The following APC variants were observed in gnomAD, a reference collection of about 807,000 sequenced individuals.
APC encodes adenomatous polyposis coli protein.
A neutral mutation model predicts 247.0 loss-of-function variants in APC; 72 were observed. That is an observed-to-expected ratio of 0.29 (90% CI 0.24 to 0.35). The LOEUF (loss-of-function observed/expected upper bound fraction) is 0.35, where lower values mean the gene tolerates loss of function less well. Ranked by LOEUF, APC falls within the 10% of genes least tolerant of loss-of-function variation. The probability of loss-of-function intolerance (pLI) is 1.00; values close to 1 mark genes in which losing one functional copy is unlikely to be tolerated. For missense variants in APC, 3,400 were observed against 3,360.7 expected (o/e 1.01, Z -0.29); for synonymous variants, 1,254 against 1,162.5 (o/e 1.08, Z -1.60).
chr5:112,772,500 C>G (rs1757166751), intron 4 of APC, among the ~76,000 whole-genome samples: 1 of 151,268 alleles, frequency 6.6e-6, no homozygotes, highest in Admixed American at 6.6e-5. Flanking sequence ...AATTTAAGCA[C>G]TTTTAATGCC....
intron 1 of APC, among the ~76,000 whole-genome samples, chr5:112,741,204 T>C (rs553435534): frequency 6.6e-6 from 1 of 152,286 alleles, no homozygotes; most frequent in Non-Finnish European, 1.5e-5. Flanking sequence ...TTATGTGAAA[T>C]TTCATTACAA....
intron 2 of APC, 27 bp from the exon 3 acceptor site, chr5:112,766,299 G>C (rs1209350011): frequency 6.9e-7 from 1 of 1,440,204 alleles, no homozygotes; most frequent in Non-Finnish European, 9.8e-7. Context: ...AGAATTTCAT[G>C]TTAATATATT....
At chr5:112,761,591 T>G (rs1755678223) in intron 2 of APC, among the ~76,000 whole-genome samples, 1 of 151,910 alleles carries the variant, frequency 6.6e-6, no homozygotes, top group African/African-American at 2.4e-5. Context: ...ATATTCAAAC[T>G]GAAGCACAGA....
intron 2 of APC, among the ~76,000 whole-genome samples, chr5:112,760,630 C>T (rs989245749): frequency 5.9e-5 from 9 of 152,170 alleles, no homozygotes; most frequent in African/African-American, 2.2e-4. Context: ...GTATATCAAA[C>T]ATGACTGGTT....
At chr5:112,725,975 C>T (rs931388216) in intron 1 of APC, among the ~76,000 whole-genome samples, 6 of 152,208 alleles carry the variant, frequency 3.9e-5, no homozygotes, top group Non-Finnish European at 5.9e-5. Context: ...AGTTCCCTGA[C>T]CCCTGTTGCA....
chr5:112,812,804 A>C (rs1471437640), intron 8 of APC, among the ~76,000 whole-genome samples: 2 of 152,230 alleles, frequency 1.3e-5, no homozygotes, highest in African/African-American at 4.8e-5. Context: ...TACTACCTGG[A>C]AAGTAGCAGG....
chr5:112,719,006 T>C (rs1751335882), intron 1 of APC, among the ~76,000 whole-genome samples: 1 of 152,190 alleles, frequency 6.6e-6, no homozygotes, highest in African/African-American at 2.4e-5. Flanking sequence ...AGAGGATATT[T>C]TGTATGACCG....
rs114355315 is a variant in APC, at chr5:112,739,018, T to C, written c.-19+1093T>C. ...ACGTAAATTACTTTGTCAAAAATTA[T>C]GGTGAACAAATTTTTGTAGGCCTAA... is the stretch of plus-strand genomic sequence containing the variant. On this transcript the variant is annotated intron_variant, in intron 1 of 15. Transcript: ENST00000257430. Among the ~76,000 whole-genome samples the C allele has an allele frequency of 6.1e-3, 932 of 152,362 alleles. 7 individuals are homozygous for C. Among genetic ancestry groups the C allele is most frequent in the Middle Eastern group, 0.01 (3 of 294 alleles).
chr5:112,840,349 A>G lies in APC; in HGVS notation c.4755A>G (p.Thr1585=), dbSNP rs2149922960. 1 of 1,614,228 alleles carries G rather than the reference A, an allele frequency of 6.2e-7. No homozygotes were observed. The highest frequency in any genetic ancestry group is 1.1e-5 in the South Asian group (1 of 91,084). The change falls in exon 16 of 16, where the codon ACA becomes ACG. Residue 1585 remains threonine (T), a synonymous_variant. Transcript: ENST00000257430. The surrounding 1 kb of genome is among the most constrained non-coding windows in gnomAD (Gnocchi z 4.1). ...LEECIISAMP[T]KSSRKAKKPA... ...AATGTATTATTTCTGCCATGCCAAC[A>G]AAGTCATCACGTAAAGCAAAAAAGC...
At chr5:112,724,544 C>T (rs1013752072) in intron 1 of APC, among the ~76,000 whole-genome samples, 4 of 138,332 alleles carry the variant, frequency 2.9e-5, no homozygotes, top group African/African-American at 1.1e-4. Context: ...GCAATATATA[C>T]GTAATCCCAA....
At chr5:112,815,450 A>T (rs2149761826) in intron 8 of APC, 45 bp from the exon 9 acceptor site, 1 of 1,385,722 alleles carries the variant, frequency 7.2e-7, no homozygotes, top group Non-Finnish European at 1.0e-6. Context: ...ATCTGTATTT[A>T]CCTATAGTCT....
chr5:112,838,840 T>C lies in APC; in HGVS notation c.3246T>C (p.Thr1082=), dbSNP rs1765373337. 6.2e-7 allele frequency: 1 copy of C among 1,614,018 alleles called. No homozygotes were observed. Among genetic ancestry groups the C allele is most frequent in the Non-Finnish European group, 8.5e-7 (1 of 1,180,048 alleles). Residue 1082 remains threonine (T), a synonymous_variant, in exon 16 of 16, where the codon ACT becomes ACC. Transcript: ENST00000257430. ...CTTATCCTGTTTATACTGAGAGCAC[T>C]GATGATAAACACCTCAAGTTCCAAC... The part of the protein sequence containing the change: ...STTYPVYTES[T]DDKHLKFQPH...
chr5:112,785,892 A>G (rs1167745009), intron 6 of APC, among the ~76,000 whole-genome samples: 1 of 152,220 alleles, frequency 6.6e-6, no homozygotes. Flanking sequence ...TACAGGCAAG[A>G]GATCTTCTTA....
In APC at chr5:112,842,985, C is replaced by G. The variant is rs766473931; in HGVS notation, c.7391C>G (p.Ser2464Cys). ...TTGGAGGAATCTGCTTCATTTGAATCTCTTTCTCCATCATCTAGACCAGCT... is the reference window on the plus strand; with the variant it reads ...TTGGAGGAATCTGCTTCATTTGAATGTCTTTCTCCATCATCTAGACCAGCT... ...RKLEESASFE[S>C]LSPSSRPASP... The change falls in exon 16 of 16, where the codon TCT becomes TGT. Residue 2464 changes from serine (S) to cysteine (C), a missense_variant. By Grantham distance (112) the Ser-to-Cys change is moderately radical. Around this residue, in one of 9 missense-constraint regions of APC, gnomAD observed 1,788 missense variants for 1,649.5 expected, o/e 1.08. Coordinates refer to ENST00000257430, the MANE Select transcript of APC (RefSeq NM_000038.6). 4 of 1,613,966 alleles carry G rather than the reference C, an allele frequency of 2.5e-6. No homozygotes were observed. The Admixed American group carries it at 5.0e-5, about 20-fold the overall frequency.
At chr5:112,808,374 C>A (rs1761637090) in intron 8 of APC, among the ~76,000 whole-genome samples, 2 of 152,030 alleles carry the variant, frequency 1.3e-5, no homozygotes, top group Non-Finnish European at 1.5e-5. Flanking sequence ...TCTGTATGTT[C>A]CTTCTTTTTG....
At chr5:112,817,648 G>T (rs1178813588) in intron 9 of APC, among the ~76,000 whole-genome samples, 1 of 152,062 alleles carries the variant, frequency 6.6e-6, no homozygotes, top group South Asian at 2.1e-4. Context: ...TTAGAATACT[G>T]TTTCTTTTTG....
At position 112,821,961 on chromosome 5, in the gene APC, G is replaced by A. The variant is rs786203718; in HGVS notation, c.1378G>A (p.Glu460Lys). 6.2e-7 allele frequency: 1 copy of A among 1,612,914 alleles called. No individual in the cohort carries two copies. The highest frequency in any genetic ancestry group is 8.5e-7 in the Non-Finnish European group (1 of 1,179,352). The part of the protein sequence containing the change: ...VCVLMKLSFD[E>K]EHRHAMNELG... The stretch of plus-strand genomic sequence containing the variant: ...TGTTCTAATGAAACTTTCATTTGAT[G>A]AAGAGCATAGACATGCAATGAATGA... Residue 460 changes from glutamate to lysine, a missense_variant, in exon 11 of 16, where the codon GAA (glutamate) becomes AAA (lysine). Transcript: ENST00000257430.
chr5:112,744,423 A>G (rs982907269), intron 1 of APC, among the ~76,000 whole-genome samples: 7 of 152,228 alleles, frequency 4.6e-5, no homozygotes, highest in Non-Finnish European at 8.8e-5. Flanking sequence ...GGGAATTACA[A>G]AAGCTAAGTA....
upstream of APC, chr5:112,737,748 C>T (rs770199733): frequency 1.2e-5 from 9 of 773,988 alleles, no homozygotes; most frequent in African/African-American, 1.9e-5. Flanking sequence ...GGTCGGGAAG[C>T]GGAGAGAGAA....
Sources: gnomAD v4.1 joint callset for allele counts (sites outside exome capture counted in the v4.1 genomes callset) on GRCh38, gnomAD v4.1.1 for gene constraint, gnomAD v4.1.1 regional missense constraint, Gnocchi (gnomAD v3.1) non-coding constraint, MANE v1.5 for transcripts, NCBI Gene and HGNC (gene_info 2026-07-23, HGNC 2026-07-21) for gene names.